PREX1: variants seen among roughly 807,000 people sequenced by gnomAD.
PREX1 encodes phosphatidylinositol-3,4,5-trisphosphate dependent Rac exchange factor 1, also known as phosphatidylinositol 3,4,5-trisphosphate-dependent Rac exchanger 1 protein.
In PREX1, 41 loss-of-function variants were observed where a neutral mutation model predicts 198.3. That is an observed-to-expected ratio of 0.21 (90% CI 0.16 to 0.27). The LOEUF (loss-of-function observed/expected upper bound fraction) is 0.27, where lower values mean the gene tolerates loss of function less well. Among genes scored for constraint, PREX1 ranks in the 10% least tolerant of loss-of-function variants. The pLI, the probability that PREX1 is intolerant of heterozygous loss-of-function variation, is 1.00. For missense variants in PREX1, 1,620 were observed against 2,200.7 expected (o/e 0.74, Z 5.28); for synonymous variants, 843 against 887.2 (o/e 0.95, Z 0.89).
chr20:48,684,155 C>A lies in PREX1; in HGVS notation c.1335-2820G>T, dbSNP rs1028619193. On this transcript the variant is annotated intron_variant, in intron 10 of 39. Coordinates refer to ENST00000371941, the MANE Select transcript of PREX1 (RefSeq NM_020820.4). The surrounding 1 kb of genome is among the most constrained non-coding windows in gnomAD (Gnocchi z 4.2). ...CTTCCCGCCTCCTAGAATCATTCACCCACTAAACATCTATTTAGCCTACAA... is the reference window on the plus strand; with the variant it reads ...CTTCCCGCCTCCTAGAATCATTCACACACTAAACATCTATTTAGCCTACAA... Among the ~76,000 whole-genome samples the A allele has an allele frequency of 7.2e-5, 11 of 152,120 alleles. No homozygotes were observed. Among genetic ancestry groups the A allele is most frequent in the African/African-American group, 2.7e-4 (11 of 41,420 alleles).
intron 5 of PREX1, among the ~76,000 whole-genome samples, chr20:48,709,506 T>C (rs990877421): frequency 3.3e-5 from 5 of 152,196 alleles, no homozygotes; most frequent in African/African-American, 1.2e-4. Flanking sequence ...ATGAGGATGA[T>C]GGTGATGACG....
At chr20:48,802,389 T>C (rs887900447) in intron 1 of PREX1, among the ~76,000 whole-genome samples, 43 of 152,256 alleles carry the variant, frequency 2.8e-4, no homozygotes, top group African/African-American at 1.0e-3. Context: ...CCAGCCTCCT[T>C]GATGATCCTG....
chr20:48,637,794 G>T, intron 30 of PREX1, 42 bp from the exon 31 acceptor site: 2 of 1,566,458 alleles, frequency 1.3e-6, no homozygotes, highest in Non-Finnish European at 1.8e-6. Flanking sequence ...GGGCTGGGAG[G>T]GGGCAGCAAG....
intron 1 of PREX1, among the ~76,000 whole-genome samples, chr20:48,750,285 C>G (rs1218577689): frequency 2.0e-5 from 3 of 152,198 alleles, no homozygotes; most frequent in Non-Finnish European, 4.4e-5. Flanking sequence ...CCATTTCCCT[C>G]CTGGTCCCCT....
chr20:48,826,015 C>A (rs1038503325), intron 1 of PREX1, among the ~76,000 whole-genome samples: 7 of 151,964 alleles, frequency 4.6e-5, no homozygotes, highest in African/African-American at 1.7e-4. Flanking sequence ...CCCAGTACAT[C>A]TCCTTTCACA....
At chr20:48,845,646 G>A in the PREX1 span, among the ~76,000 whole-genome samples, 3 of 150,040 alleles carry the variant, frequency 2.0e-5, no homozygotes, top group African/African-American at 7.4e-5. Flanking sequence ...AGGTTGTAAT[G>A]AGCCGTGACT....
At chr20:48,721,541 A>G (rs1233479781) in intron 5 of PREX1, among the ~76,000 whole-genome samples, 1 of 152,242 alleles carries the variant, frequency 6.6e-6, no homozygotes, top group East Asian at 1.9e-4. Context: ...AACTTCAGGA[A>G]GCAAGCCTGG....
At chr20:48,797,346 C>T (rs2090367581) in intron 1 of PREX1, among the ~76,000 whole-genome samples, 1 of 144,826 alleles carries the variant, frequency 6.9e-6, no homozygotes, top group South Asian at 2.3e-4. Context: ...TCCCCCCAGA[C>T]CCCCCCCAGG....
At chr20:48,645,109 G>A (rs1436821570) in intron 26 of PREX1, among the ~76,000 whole-genome samples, 4 of 152,236 alleles carry the variant, frequency 2.6e-5, no homozygotes, top group South Asian at 2.1e-4. Flanking sequence ...GACGCCAGGC[G>A]AGCAGCCAAC....
At chr20:48,866,429 G>T in the PREX1 span, among the ~76,000 whole-genome samples, 1 of 152,084 alleles carries the variant, frequency 6.6e-6, no homozygotes, top group Non-Finnish European at 1.5e-5. Flanking sequence ...TCCAGCCCAG[G>T]ACCACTGGAG....
intron 1 of PREX1, among the ~76,000 whole-genome samples, chr20:48,799,491 G>A (rs567111178): frequency 1.3e-5 from 2 of 152,326 alleles, no homozygotes; most frequent in East Asian, 1.9e-4. Context: ...CCCGAGCAGC[G>A]CGGTCTATCA....
At chr20:48,799,085 C>T (rs756706867) in intron 1 of PREX1, among the ~76,000 whole-genome samples, 27 of 152,166 alleles carry the variant, frequency 1.8e-4, no homozygotes, top group Admixed American at 1.2e-3. Flanking sequence ...GGTTTCACCA[C>T]GTTGGCCAGA....
At position 48,646,865 on chromosome 20, in the gene PREX1, C is replaced by A. The variant is rs557570659; in HGVS notation, c.3306-808G>T. ...TCCTCAAGCTAATTATTTAAACTCTCGGAGACTCTGTTTCCTCATATGTAA... is the reference window on the plus strand; with the variant it reads ...TCCTCAAGCTAATTATTTAAACTCTAGGAGACTCTGTTTCCTCATATGTAA... On this transcript the variant is annotated intron_variant, in intron 25 of 39. Coordinates refer to ENST00000371941, the MANE Select transcript of PREX1 (RefSeq NM_020820.4). Among the ~76,000 whole-genome samples the A allele has an allele frequency of 2.0e-5, 3 of 152,098 alleles. No homozygotes were observed. In the South Asian group the frequency reaches 6.2e-4, roughly 32 times the overall value.
At chr20:48,664,413 G>C (rs1300905810) in intron 15 of PREX1, among the ~76,000 whole-genome samples, 1 of 151,772 alleles carries the variant, frequency 6.6e-6, no homozygotes, top group Non-Finnish European at 1.5e-5. Context: ...GCTAGGAGCA[G>C]AGTGATGACG....
intron 1 of PREX1, among the ~76,000 whole-genome samples, chr20:48,766,271 C>T (rs2090207633): frequency 1.3e-5 from 2 of 152,198 alleles, no homozygotes; most frequent in East Asian, 3.8e-4. Context: ...CCAGGAAACC[C>T]GTCCCTGGTG....
At chr20:48,775,644 T>C (rs979202792) in intron 1 of PREX1, among the ~76,000 whole-genome samples, 1 of 152,076 alleles carries the variant, frequency 6.6e-6, no homozygotes, top group African/African-American at 2.4e-5. Context: ...TGGGAGGTAA[T>C]TAAATGGGGG....
intron 1 of PREX1, among the ~76,000 whole-genome samples, chr20:48,819,872 T>C (rs896588930): frequency 2.6e-5 from 4 of 152,192 alleles, no homozygotes; most frequent in Non-Finnish European, 5.9e-5. Flanking sequence ...GATTAGTGGA[T>C]GAAAGCATCA....
At chr20:48,669,000 T>C (rs751558590) in intron 14 of PREX1, among the ~76,000 whole-genome samples, 3 of 152,056 alleles carry the variant, frequency 2.0e-5, no homozygotes, top group Non-Finnish European at 4.4e-5. Flanking sequence ...TCAACAGTGA[T>C]ACAGAAGGCC....
intron 1 of PREX1, among the ~76,000 whole-genome samples, chr20:48,798,500 T>C (rs971212342): frequency 6.6e-6 from 1 of 152,222 alleles, no homozygotes; most frequent in African/African-American, 2.4e-5. Flanking sequence ...AGGCCCTGCA[T>C]GCTCTGTCCC....
Sources: allele counts gnomAD v4.1 joint callset (sites outside exome capture counted in the v4.1 genomes callset), GRCh38; gene constraint gnomAD v4.1.1; non-coding constraint Gnocchi (gnomAD v3.1); transcripts MANE v1.5; gene names NCBI Gene and HGNC (gene_info 2026-07-23, HGNC 2026-07-21).